The following CCDC187 variants were observed in gnomAD, a reference collection of about 807,000 sequenced individuals.
The protein encoded by CCDC187 is coiled-coil domain containing 187, also known as coiled-coil domain-containing protein 187.
A neutral mutation model predicts 38.0 loss-of-function variants in CCDC187; 32 were observed. That is an observed-to-expected ratio of 0.84 (90% CI 0.64 to 1.13). The LOEUF (loss-of-function observed/expected upper bound fraction) is 1.13. Ranked by LOEUF, CCDC187 falls within the 50% of genes most tolerant of loss-of-function variation. The pLI is 0.00. For synonymous variants in CCDC187, 333 were observed against 347.9 expected (o/e 0.96, Z 0.48); for missense variants, 707 against 786.8 (o/e 0.90, Z 1.21).
Position 136,252,554 on chromosome 9 carries a change from GA to G in CCDC187, c.*1039del. 5.3e-6 allele frequency: 1 copy of G among 189,296 alleles called. No individual in the cohort carries two copies. Among genetic ancestry groups the G allele is most frequent in the Non-Finnish European group, 1.1e-5 (1 of 89,420 alleles). The allele number at this position is 189,296 out of a possible 1,614,324, so 11.7% of individuals were successfully genotyped here. On this transcript the variant is annotated 3_prime_UTR_variant, in exon 26 of 26. Coordinates refer to ENST00000638797, the MANE Select transcript of CCDC187 (RefSeq NM_001378188.1). ...CGGTCCACCGGGGAAAGGTCCAGGA[GA>G]CTGTCCCGCACAGCCGGCCGCCCGG...
intron 3 of CCDC187, among the ~76,000 whole-genome samples, chr9:136,298,408 G>T (rs1831588213): frequency 1.3e-5 from 2 of 152,100 alleles, no homozygotes; most frequent in African/African-American, 4.8e-5. Context: ...TTTGTTCAAA[G>T]TCCCGCAGCG....
chr9:136,293,220 C>A (rs934411418), intron 4 of CCDC187, among the ~76,000 whole-genome samples: 18 of 101,120 alleles, frequency 1.8e-4, no homozygotes, highest in African/African-American at 6.1e-4. Flanking sequence ...CATGCTCACA[C>A]ACTCACACTC....
chr9:136,281,675 A>G lies in CCDC187; in HGVS notation c.2928-12T>C. 2.5e-6 allele frequency: 1 copy of G among 398,630 alleles called. No individual in the cohort carries two copies. Among genetic ancestry groups the G allele is most frequent in the Non-Finnish European group, 4.4e-6 (1 of 226,058 alleles). The allele number at this position is 398,630 out of a possible 1,614,324, so 24.7% of individuals were successfully genotyped here. On this transcript the variant is annotated splice_polypyrimidine_tract_variant and intron_variant, in intron 9 of 25. Transcript: ENST00000638797. ...GGCCCGCATATGAGCTGGAAGACACAGGCACACGTGTGGCAGGGCCAGGCC... is the reference window on the plus strand; with the variant it reads ...GGCCCGCATATGAGCTGGAAGACACGGGCACACGTGTGGCAGGGCCAGGCC...
Position 136,267,398 on chromosome 9 carries a change from C to T in CCDC187, c.3633G>A (p.Leu1211=). 1 of 985,564 alleles carries T rather than the reference C, an allele frequency of 1.0e-6. No individual in the cohort carries two copies. Among genetic ancestry groups the T allele is most frequent in the Non-Finnish European group, 1.2e-6 (1 of 830,010 alleles). 61.1% of individuals were successfully genotyped at this position (985,564 alleles called of 1,614,324 possible). The change falls in exon 16 of 26, where the codon CTG becomes CTA. Residue 1211 remains leucine (L), a synonymous_variant. Transcript: ENST00000638797. ...CATGCGCTCACCCTCGTCGATGCTC[C>T]AGCCAGGCCAGCTCCGCGAGCGTTT... ...QEKTLAELAW[L]EHRRGCLDSK... is the part of the protein sequence containing the mutation.
In CCDC187 at chr9:136,257,664, T is replaced by C. The variant is rs946925546; in HGVS notation, c.4367-823A>G. On this transcript the variant is annotated intron_variant, in intron 22 of 25. Coordinates refer to ENST00000638797, the MANE Select transcript of CCDC187 (RefSeq NM_001378188.1). This position sits in a 1 kb window ranked among gnomAD's most constrained non-coding sequence, Gnocchi z 4.5. ...ATTGCACCTCCATCTCCCTAGACTT[T>C]CGTTCTGTGGGGTCAGGGGACTCTG... 3.0e-4 allele frequency among the ~76,000 whole-genome samples: 46 copies of C among 152,256 alleles called. No individual in the cohort carries two copies. The highest frequency in any genetic ancestry group is 1.0e-3 in the African/African-American group (43 of 41,546).
rs1554759686 is a variant in CCDC187 at position 136,252,544 on chromosome 9, AG to A, written c.*1049del. 1 of 196,640 alleles carries A rather than the reference AG, an allele frequency of 5.1e-6. No homozygotes were observed. The highest frequency in any genetic ancestry group is 1.1e-5 in the Non-Finnish European group (1 of 92,976). The allele number at this position is 196,640 out of a possible 1,614,324, so 12.2% of individuals were successfully genotyped here. A position where few individuals can be genotyped will look rare whatever the true frequency, so the allele number is the denominator to read the frequency against. On this transcript the variant is annotated 3_prime_UTR_variant, in exon 26 of 26. Coordinates refer to ENST00000638797, the MANE Select transcript of CCDC187 (RefSeq NM_001378188.1). ...GCCGCCCACCCGGTCCACCGGGGAA[AG>A]GTCCAGGAGACTGTCCCGCACAGCC...
rs1178991617 is a variant in CCDC187 at position 136,290,921 on chromosome 9, C to A, written c.1692G>T (p.Arg564Ser). ...AGGGCCGCTGGGCTGGAGGACTGGG[C>A]CTTTCCAGAGGGTTCCGCAGTCTGG... Reference protein sequence around the residue: ...PGPRLRNPLERPSPPAQRPWS... With the variant: ...PGPRLRNPLESPSPPAQRPWS... The change falls in exon 6 of 26, where the codon AGG (arginine) becomes AGT (serine). Residue 564 changes from arginine to serine, a missense_variant. Physicochemically the swap from Arg to Ser is moderately radical, Grantham distance 110. Transcript: ENST00000638797. 1 of 398,690 alleles carries A rather than the reference C, an allele frequency of 2.5e-6. No individual in the cohort carries two copies. Among genetic ancestry groups the A allele is most frequent in the Non-Finnish European group, 4.4e-6 (1 of 226,134 alleles). The allele number at this position is 398,690 out of a possible 1,614,324, so 24.7% of individuals were successfully genotyped here.
chr9:136,256,726 A>G lies in CCDC187; in HGVS notation c.4482T>C (p.Pro1494=), dbSNP rs1830617415. ...RSRRSCGREG[P]CGPQEASQVA... is the part of the protein sequence containing the mutation. ...TCACGCTGGCTTCTTGTGGGCCACA[A>G]GGACCTTCTCTGCCGCAGGAGCGTC... The change falls in exon 23 of 26, where the codon CCT becomes CCC. Residue 1494 remains proline (P), a synonymous_variant. Transcript: ENST00000638797. The G allele has an allele frequency of 6.6e-6, 1 of 152,244 alleles. No homozygotes were observed. The allele number at this position is 152,244 out of a possible 1,614,324, so 9.4% of individuals were successfully genotyped here.
intron 7 of CCDC187, among the ~76,000 whole-genome samples, chr9:136,289,346 C>T (rs1230914941): frequency 6.6e-6 from 1 of 151,832 alleles, no homozygotes; most frequent in African/African-American, 2.4e-5. Flanking sequence ...GGTGAAGCCC[C>T]GTCTCTACTA....
rs1403343534 is a variant in CCDC187, at chr9:136,258,991, G to A, written c.4307C>T (p.Ala1436Val). The change falls in exon 22 of 26, where the codon GCG (alanine) becomes GTG (valine). Residue 1436 changes from alanine (A) to valine (V), a missense_variant. Ala to Val is a moderately conservative substitution (Grantham distance 64). Transcript: ENST00000638797. This position sits in a 1 kb window ranked among gnomAD's most constrained non-coding sequence, Gnocchi z 4.3. ...CTGAGCTGTGGGGAGGCGCCCCTCCGCCTCCTCGGCCTGGGGGGTGAGACG... is the reference window on the plus strand; with the variant it reads ...CTGAGCTGTGGGGAGGCGCCCCTCCACCTCCTCGGCCTGGGGGGTGAGACG... ...RLGPAFPAEE[A>V]EGRLPTAQCR... 18 of 985,724 alleles carry A rather than the reference G, an allele frequency of 1.8e-5. No homozygotes were observed. Among genetic ancestry groups the A allele is most frequent in the East Asian group, 1.1e-4 (1 of 8,816 alleles). 61.1% of individuals were successfully genotyped at this position (985,724 alleles called of 1,614,324 possible). A position where few individuals can be genotyped will look rare whatever the true frequency, so the allele number is the denominator to read the frequency against.
intron 14 of CCDC187, among the ~76,000 whole-genome samples, chr9:136,271,751 G>A (rs797037843): frequency 6.0e-4 from 91 of 151,386 alleles, no homozygotes; most frequent in African/African-American, 2.1e-3. Context: ...GGGACTACAG[G>A]CACCCGCCAC....
rs930728597 is a variant in CCDC187 at position 136,281,768 on chromosome 9, G to A, written c.2928-105C>T. 1,453 of 397,690 alleles carry A rather than the reference G, an allele frequency of 3.7e-3. 18 individuals are homozygous for A. Among genetic ancestry groups the A allele is most frequent in the East Asian group, 0.024 (684 of 28,052 alleles). 24.6% of individuals were successfully genotyped at this position (397,690 alleles called of 1,614,324 possible). A position where few individuals can be genotyped will look rare whatever the true frequency, so the allele number is the denominator to read the frequency against. ...TCATTGAGCAGGAACCTGGGCTCCC[G>A]TGGCCTGGAGCAGCTCTCAGACCCC... On this transcript the variant is annotated intron_variant, in intron 9 of 25. Coordinates refer to ENST00000638797, the MANE Select transcript of CCDC187 (RefSeq NM_001378188.1).
upstream of CCDC187, among the ~76,000 whole-genome samples, chr9:136,305,569 C>T (rs1451371569): frequency 2.0e-5 from 3 of 152,218 alleles, no homozygotes; most frequent in African/African-American, 4.8e-5. Flanking sequence ...GCTCTCAGCC[C>T]TGCTCCCATG....
chr9:136,293,256 C>T (rs1475988314), intron 4 of CCDC187, among the ~76,000 whole-genome samples: 2 of 148,730 alleles, frequency 1.3e-5, no homozygotes, highest in East Asian at 3.9e-4. Context: ...CATGCTTACA[C>T]ACTCACTCAT....
At position 136,258,095 on chromosome 9, in the gene CCDC187, C is replaced by T. The variant is rs957128441; in HGVS notation, c.4366+837G>A. Among the ~76,000 whole-genome samples the T allele has an allele frequency of 2.0e-5, 3 of 152,172 alleles. No individual in the cohort carries two copies. Among genetic ancestry groups the T allele is most frequent in the Non-Finnish European group, 2.9e-5 (2 of 68,028 alleles). On this transcript the variant is annotated intron_variant, in intron 22 of 25. Coordinates refer to ENST00000638797, the MANE Select transcript of CCDC187 (RefSeq NM_001378188.1). This position sits in a 1 kb window ranked among gnomAD's most constrained non-coding sequence, Gnocchi z 4.3. Reference sequence around the variant, plus strand: ...CAGGCTGAGCAAGCTTCACGGTGGCCGCAGAAGCCTGAACAGCGCAGGCCC... The same window carrying T: ...CAGGCTGAGCAAGCTTCACGGTGGCTGCAGAAGCCTGAACAGCGCAGGCCC...
chr9:136,274,570 C>G (rs1554762911), intron 14 of CCDC187, 88 bp downstream of exon 14: 2 of 152,500 alleles, frequency 1.3e-5, no homozygotes, highest in African/African-American at 4.8e-5. Context: ...CTGTTGTGCA[C>G]CTGCCTCGGG....
chr9:136,271,349 C>G (rs575847133), intron 14 of CCDC187, among the ~76,000 whole-genome samples: 1 of 152,056 alleles, frequency 6.6e-6, no homozygotes, highest in South Asian at 2.1e-4. Flanking sequence ...TGGTGAAATC[C>G]TGTCTCTACA....
chr9:136,260,126 G>A lies in CCDC187; in HGVS notation c.4203C>T (p.Val1401=), dbSNP rs1336379716. The change falls in exon 20 of 26, where the codon GTC becomes GTT. Residue 1401 remains valine, a synonymous_variant. Transcript: ENST00000638797. ...GCCGCGGCTGCTCATTACCTTGACT[G>A]ACATGGCTGCCACTCTCCACCAGCG... ...QGPLVESGSH[V]SQEPGEQPRA... is the part of the protein sequence containing the mutation. The A allele has an allele frequency of 4.4e-5, 43 of 985,294 alleles. No homozygotes were observed. The highest frequency in any genetic ancestry group is 4.9e-5 in the Non-Finnish European group (41 of 829,978). The allele number at this position is 985,294 out of a possible 1,614,324, so 61.0% of individuals were successfully genotyped here.
chr9:136,273,866 G>A (rs958279116), intron 14 of CCDC187, among the ~76,000 whole-genome samples: 7 of 152,352 alleles, frequency 4.6e-5, no homozygotes, highest in South Asian at 2.1e-4. Context: ...GACTGTGGCC[G>A]GCTGGGAAGT....
Sources: gnomAD v4.1 joint callset for allele counts (sites outside exome capture counted in the v4.1 genomes callset) on GRCh38, gnomAD v4.1.1 for gene constraint, Gnocchi (gnomAD v3.1) non-coding constraint, MANE v1.5 for transcripts, NCBI Gene and HGNC (gene_info 2026-07-23, HGNC 2026-07-21) for gene names.